Variants in ASPM observed in about 807,000 individuals in gnomAD.
ASPM encodes the protein assembly factor for spindle microtubules, also known as abnormal spindle-like microcephaly-associated protein.
In ASPM, 256 loss-of-function variants were observed where a neutral mutation model predicts 366.4. The ratio of observed to expected loss-of-function variants is 0.70; its 90% CI spans 0.63 to 0.77. The LOEUF (loss-of-function observed/expected upper bound fraction) is 0.77. ASPM is among the 30% of genes least tolerant of loss of function. The pLI is 0.00. For missense variants in ASPM, 4,146 were observed against 4,090.4 expected (o/e 1.01, Z -0.37); for synonymous variants, 1,414 against 1,342.9 (o/e 1.05, Z -1.16).
chr1:197,136,289 G>A (rs184112687), intron 4 of ASPM, among the ~76,000 whole-genome samples: 1 of 151,986 alleles, frequency 6.6e-6, no homozygotes, highest in African/African-American at 2.4e-5. Flanking sequence ...AACTATATAA[G>A]TAAATAACCA....
chr1:197,136,111 C>A (rs753934323), intron 4 of ASPM, among the ~76,000 whole-genome samples: 91 of 152,184 alleles, frequency 6.0e-4, no homozygotes, highest in Non-Finnish European at 9.0e-4. Flanking sequence ...AATGAAGAAA[C>A]CTGTCAATTG....
intron 16 of ASPM, 70 bp downstream of exon 16, chr1:197,121,845 T>C (rs1657911103): frequency 2.0e-6 from 3 of 1,505,202 alleles, no homozygotes; most frequent in Non-Finnish European, 2.8e-6. Context: ...TAAAATCATA[T>C]CAAAAATCAA....
chr1:197,135,242 T>C lies in ASPM; in HGVS notation c.2027A>G (p.Asp676Gly). Residue 676 changes from aspartate to glycine, a missense_variant and splice_region_variant, in exon 5 of 28, where the codon GAT (aspartate) becomes GGT (glycine). Physicochemically the swap from Asp to Gly is moderately conservative, Grantham distance 94. This residue lies in a region of ASPM where 3,624 missense variants were observed against 3,591.7 expected (regional missense o/e 1.01). Coordinates refer to ENST00000367409, the MANE Select transcript of ASPM (RefSeq NM_018136.5). ...SLTFIKPLKTDIPRHPMPFAA... is the reference protein window; with the variant it reads ...SLTFIKPLKTGIPRHPMPFAA... ...AAATGGCATCGGGTGTCTGGGAATA[T>C]CTAAGAATACAATTAGGTTACTGCA... is the stretch of plus-strand genomic sequence containing the variant. 6.2e-7 allele frequency: 1 copy of C among 1,613,924 alleles called. No individual in the cohort carries two copies. The highest frequency in any genetic ancestry group is 8.5e-7 in the Non-Finnish European group (1 of 1,179,884).
At chr1:197,139,251 C>A in intron 4 of ASPM, 1 of 934,362 alleles carries the variant, frequency 1.1e-6, no homozygotes. Flanking sequence ...TCTGACCATC[C>A]TTTTACCAAC....
intron 19 of ASPM, among the ~76,000 whole-genome samples, chr1:197,095,143 A>T (rs776504239): frequency 6.6e-6 from 1 of 151,724 alleles, no homozygotes; most frequent in African/African-American, 2.4e-5. Context: ...ACAATAAATT[A>T]TTGTTAACTA....
rs1324736319 is a variant in ASPM at position 197,102,468 on chromosome 1, C to A, written c.6783G>T (p.Met2261Ile). ...GAATGAGAGTTGCGGCTATATGCAT[C>A]ATTTTTAAATGTCTTCTAGCTTTCT... ...RGKKARRHLK[M>I]MHIAATLIQR... The change falls in exon 18 of 28, where the codon ATG (methionine) becomes ATT (isoleucine). Residue 2261 changes from methionine to isoleucine, a missense_variant. Transcript: ENST00000367409. The A allele has an allele frequency of 4.3e-6, 7 of 1,612,618 alleles. No homozygotes were observed. The highest frequency in any genetic ancestry group is 5.9e-6 in the Non-Finnish European group (7 of 1,179,218).
chr1:197,127,238 G>C (rs1658117958), intron 10 of ASPM, among the ~76,000 whole-genome samples: 1 of 152,122 alleles, frequency 6.6e-6, no homozygotes, highest in East Asian at 1.9e-4. Flanking sequence ...CTATTCAGTT[G>C]AGTTTTAGAC....
At position 197,103,567 on chromosome 1, in the gene ASPM, CTAA is replaced by C. The variant is rs1294438630; in HGVS notation, c.5681_5683del (p.Ile1894del). 1 of 1,612,926 alleles carries C rather than the reference CTAA, an allele frequency of 6.2e-7. No homozygotes were observed. ...CTTCAAGGCAGCTTGATGTTCCCTT[CTAA>C]TCTGTTTCCGAACCTTCCAGCCACG... On this transcript the variant is annotated inframe_deletion, in exon 18 of 28. Coordinates refer to ENST00000367409, the MANE Select transcript of ASPM (RefSeq NM_018136.5).
At chr1:197,110,740 T>C (rs2125099347) in intron 17 of ASPM, among the ~76,000 whole-genome samples, 1 of 152,006 alleles carries the variant, frequency 6.6e-6, no homozygotes, top group Admixed American at 6.6e-5. Context: ...GAATCACACA[T>C]ATAAGAATAG....
chr1:197,087,002 A>G, intron 26 of ASPM, 30 bp from the exon 27 acceptor site: 1 of 1,572,172 alleles, frequency 6.4e-7, no homozygotes, highest in Non-Finnish European at 8.7e-7. Context: ...GTTACTAAAA[A>G]GTAATAAGAA....
At chr1:197,142,286 C>A in intron 3 of ASPM, 45 bp downstream of exon 3, 1 of 1,572,794 alleles carries the variant, frequency 6.4e-7, no homozygotes, top group Non-Finnish European at 8.7e-7. Context: ...AAGGAAGTAT[C>A]CCCTTTACAG....
chr1:197,105,442 C>T (rs1657382679), intron 17 of ASPM, among the ~76,000 whole-genome samples: 1 of 151,902 alleles, frequency 6.6e-6, no homozygotes, highest in Non-Finnish European at 1.5e-5. Flanking sequence ...TCATAAGAAA[C>T]ATAAGCAAGT....
intron 16 of ASPM, among the ~76,000 whole-genome samples, chr1:197,120,387 G>A (rs569911759): frequency 2.0e-5 from 3 of 151,986 alleles, no homozygotes; most frequent in Admixed American, 1.3e-4. Flanking sequence ...AAAATTAGCT[G>A]GGTGTGGTGG....
At chr1:197,124,440 T>A in intron 12 of ASPM, 109 bp from the exon 13 acceptor site, 1 of 836,248 alleles carries the variant, frequency 1.2e-6, no homozygotes, top group Non-Finnish European at 1.9e-6. Flanking sequence ...GTAGATGTTT[T>A]AAACCAGGAA....
At position 197,102,733 on chromosome 1, in the gene ASPM, A is replaced by T. The variant is rs770555029; in HGVS notation, c.6518T>A (p.Leu2173His). ...YLTILKAVKV[L>H]QASFRGVRVR... is the part of the protein sequence containing the mutation. ...TCTTACTCCTCTAAAACTTGCCTGA[A>T]GGACTTTAACAGCTTTCAAAATTGT... Residue 2173 changes from leucine to histidine, a missense_variant, in exon 18 of 28, where the codon CTT becomes CAT. Transcript: ENST00000367409. 3.7e-6 allele frequency: 6 copies of T among 1,612,680 alleles called. No homozygotes were observed. The highest frequency in any genetic ancestry group is 1.7e-5 in the Admixed American group (1 of 59,792).
At position 197,101,664 on chromosome 1, in the gene ASPM, T is replaced by C; in HGVS notation, c.7587A>G (p.Arg2529=). The C allele has an allele frequency of 6.2e-7, 1 of 1,612,174 alleles. No individual in the cohort carries two copies. Among genetic ancestry groups the C allele is most frequent in the East Asian group, 2.2e-5 (1 of 44,806 alleles). ...AAKLQRENYI[R]QWHSAVVIQA... ...GAATAACCACAGCAGAATGCCATTG[T>C]CTGATATAATTTTCTCTTTGTAATT... Residue 2529 remains arginine, a synonymous_variant, in exon 18 of 28, where the codon AGA becomes AGG. Transcript: ENST00000367409.
rs185196506 is a variant in ASPM, at chr1:197,085,528, A to G, written c.10332-1102T>C. On this transcript the variant is annotated intron_variant, in intron 27 of 27. Coordinates refer to ENST00000367409, the MANE Select transcript of ASPM (RefSeq NM_018136.5). ...AAGATATATCAATTGGTGAGTGAAC[A>G]AAGTGTGGTACGACCATACAATGGA... Among the ~76,000 whole-genome samples, 194 of 152,348 alleles carry G rather than the reference A, an allele frequency of 1.3e-3. 1 individual carries two copies. The highest frequency in any genetic ancestry group is 2.5e-3 in the African/African-American group (102 of 41,588).
rs114126211 is a variant in ASPM at position 197,109,277 on chromosome 1, C to G, written c.4066-4092G>C. ...CCCAACTCATTACACAGATGCAAAA[C>G]TCTTCAATAAAATACTAGCAAGTGG... On this transcript the variant is annotated intron_variant, in intron 17 of 27. Coordinates refer to ENST00000367409, the MANE Select transcript of ASPM (RefSeq NM_018136.5). Among the ~76,000 whole-genome samples the G allele has an allele frequency of 6.0e-3, 912 of 152,072 alleles. 16 individuals carry two copies. The highest frequency in any genetic ancestry group is 0.021 in the African/African-American group (875 of 41,508).
chr1:197,109,204 A>AAT (rs1657507257), intron 17 of ASPM, among the ~76,000 whole-genome samples: 1 of 49,838 alleles, frequency 2.0e-5, no homozygotes, highest in Non-Finnish European at 8.8e-5. Flanking sequence ...ACAAAATAAT[A>AAT]ACATGTCAAC....
Sources: allele counts gnomAD v4.1 joint callset (sites outside exome capture counted in the v4.1 genomes callset), GRCh38; gene constraint gnomAD v4.1.1; regional missense constraint gnomAD v4.1.1; transcripts MANE v1.5; gene names NCBI Gene and HGNC (gene_info 2026-07-23, HGNC 2026-07-21).